TRPS1: variants seen among roughly 807,000 people sequenced by gnomAD.
TRPS1 encodes transcriptional repressor GATA binding 1.
TRPS1 carries 6 observed loss-of-function variants against 101.2 expected under a neutral mutation model. The ratio of observed to expected loss-of-function variants is 0.06; its 90% CI spans 0.03 to 0.12. The LOEUF (loss-of-function observed/expected upper bound fraction) is 0.12. TRPS1 is among the 10% of genes least tolerant of loss of function. The pLI is 1.00. For missense variants in TRPS1, 1,363 were observed against 1,567.0 expected (o/e 0.87, Z 2.20); for synonymous variants, 578 against 589.8 (o/e 0.98, Z 0.29).
At chr8:115,415,165 A>C in intron 6 of TRPS1, 81 bp from the exon 7 acceptor site, 1 of 1,402,780 alleles carries the variant, frequency 7.1e-7, no homozygotes, top group Non-Finnish European at 9.6e-7. Context: ...CACAAATATA[A>C]ACCATGCTTA....
chr8:115,597,513 G>A (rs371372138), intron 4 of TRPS1, among the ~76,000 whole-genome samples: 2 of 152,100 alleles, frequency 1.3e-5, no homozygotes, highest in Middle Eastern at 3.4e-3. Context: ...TGCTCTATAT[G>A]TGCTTCAAAA....
chr8:115,587,604 C>T lies in TRPS1; in HGVS notation c.2097G>A (p.Arg699=). 3 of 1,613,994 alleles carry T rather than the reference C, an allele frequency of 1.9e-6. No individual in the cohort carries two copies. Among genetic ancestry groups the T allele is most frequent in the Non-Finnish European group, 2.5e-6 (3 of 1,180,008 alleles). Residue 699 remains arginine (R), a splice_region_variant and synonymous_variant, in exon 5 of 7, where the codon AGG becomes AGA. Coordinates refer to ENST00000395715, the MANE Select transcript of TRPS1 (RefSeq NM_014112.5). The stretch of plus-strand genomic sequence containing the variant: ...GGCATTTGTAGCAGCTGTGTGCTCT[C>T]CTGGAGAAGAAGAAAACAGTTACTG... The part of the protein sequence containing the change: ...QVEEEISRHY[R]RAHSCYKCRQ...
intron 5 of TRPS1, among the ~76,000 whole-genome samples, chr8:115,541,766 C>T (rs1316701832): frequency 6.6e-6 from 1 of 152,160 alleles, no homozygotes; most frequent in East Asian, 1.9e-4. Flanking sequence ...GACCACATTC[C>T]ACTTTAAGAT....
intron 5 of TRPS1, among the ~76,000 whole-genome samples, chr8:115,450,409 A>T (rs1289255171): frequency 6.6e-6 from 1 of 152,214 alleles, no homozygotes; most frequent in Non-Finnish European, 1.5e-5. Context: ...CACGCTATTT[A>T]ACTTTCAAAT....
chr8:115,642,375 T>C (rs1345754061), intron 1 of TRPS1, among the ~76,000 whole-genome samples: 1 of 151,858 alleles, frequency 6.6e-6, no homozygotes, highest in Non-Finnish European at 1.5e-5. Context: ...AAAAAAATAA[T>C]ACAGAACTGT....
At chr8:115,573,129 GA>G (rs879374631) in intron 5 of TRPS1, among the ~76,000 whole-genome samples, 126 of 137,304 alleles carry the variant, frequency 9.2e-4, no homozygotes, top group South Asian at 1.2e-3. Flanking sequence ...CATCTCAAAA[GA>G]AAAAAAAAAA....
At chr8:115,513,332 A>G (rs1815629620) in intron 5 of TRPS1, among the ~76,000 whole-genome samples, 1 of 151,578 alleles carries the variant, frequency 6.6e-6, no homozygotes, top group Non-Finnish European at 1.5e-5. Context: ...TTTGGGTACC[A>G]TTTTTATTTT....
intron 5 of TRPS1, among the ~76,000 whole-genome samples, chr8:115,488,231 T>C (rs1014639888): frequency 2.0e-5 from 3 of 152,226 alleles, no homozygotes; most frequent in Non-Finnish European, 2.9e-5. Context: ...TCTTAAGACA[T>C]AATGCTATTG....
intron 3 of TRPS1, among the ~76,000 whole-genome samples, chr8:115,605,418 A>G (rs1255267749): frequency 6.6e-6 from 1 of 152,230 alleles, no homozygotes; most frequent in Non-Finnish European, 1.5e-5. Flanking sequence ...AACTAGAGGC[A>G]CTTGCTCAAA....
intron 1 of TRPS1, among the ~76,000 whole-genome samples, chr8:115,652,021 G>C (rs1811571191): frequency 6.6e-6 from 1 of 152,136 alleles, no homozygotes; most frequent in South Asian, 2.1e-4. Context: ...AGAGGTGAAG[G>C]CTCAGAAGTT....
At chr8:115,626,413 G>A (rs928835266) in intron 1 of TRPS1, among the ~76,000 whole-genome samples, 2 of 151,752 alleles carry the variant, frequency 1.3e-5, no homozygotes, top group African/African-American at 4.8e-5. Flanking sequence ...ATCACTGAAG[G>A]AGTTTAGATG....
chr8:115,445,989 A>T (rs1295297145), intron 5 of TRPS1, among the ~76,000 whole-genome samples: 2 of 152,122 alleles, frequency 1.3e-5, no homozygotes, highest in Non-Finnish European at 2.9e-5. Context: ...TCTTTCCTGT[A>T]TAACTCTTTT....
intron 5 of TRPS1, among the ~76,000 whole-genome samples, chr8:115,511,750 A>G (rs1236824736): frequency 6.6e-6 from 1 of 151,918 alleles, no homozygotes; most frequent in Non-Finnish European, 1.5e-5. Context: ...TCTAGGGTGA[A>G]TCGCTTGCAA....
intron 5 of TRPS1, among the ~76,000 whole-genome samples, chr8:115,559,996 C>T (rs1469190429): frequency 6.6e-6 from 1 of 151,980 alleles, no homozygotes; most frequent in African/African-American, 2.4e-5. Context: ...ACTAGGTTCC[C>T]AAAGCACAAG....
chr8:115,572,033 T>C (rs899867758), intron 5 of TRPS1, among the ~76,000 whole-genome samples: 2 of 152,136 alleles, frequency 1.3e-5, no homozygotes, highest in African/African-American at 4.8e-5. Flanking sequence ...TAAATTTTTA[T>C]TTTAGACTTT....
chr8:115,493,935 C>T (rs1435374320), intron 5 of TRPS1, among the ~76,000 whole-genome samples: 1 of 152,090 alleles, frequency 6.6e-6, no homozygotes, highest in African/African-American at 2.4e-5. Context: ...ATAAAGGAAA[C>T]TCTAAATTCC....
chr8:115,634,245 T>C (rs376223813), intron 1 of TRPS1, among the ~76,000 whole-genome samples: 1 of 152,210 alleles, frequency 6.6e-6, no homozygotes, highest in Non-Finnish European at 1.5e-5. Flanking sequence ...TACAGTCACC[T>C]AAACAAGCTT....
rs138394609 is a variant in TRPS1 at position 115,526,127 on chromosome 8, G to A, written c.2700+60874C>T. The stretch of plus-strand genomic sequence containing the variant: ...GTCTCGAGAGCAGCCTGGCCAACAC[G>A]GTGAAACCCCATTTCTACTAAAAAT... On this transcript the variant is annotated intron_variant, in intron 5 of 6. Transcript: ENST00000395715. 3.1e-3 allele frequency among the ~76,000 whole-genome samples: 470 copies of A among 152,168 alleles called. 14 individuals carry two copies. Among genetic ancestry groups the A allele is most frequent in the Admixed American group, 0.027 (413 of 15,286 alleles).
chr8:115,472,474 G>T (rs1814497346), intron 5 of TRPS1, among the ~76,000 whole-genome samples: 1 of 152,184 alleles, frequency 6.6e-6, no homozygotes, highest in African/African-American at 2.4e-5. Context: ...GTGATGGAGG[G>T]GCTGCTGTGA....
Sources: allele counts gnomAD v4.1 joint callset (sites outside exome capture counted in the v4.1 genomes callset), GRCh38; gene constraint gnomAD v4.1.1; transcripts MANE v1.5; gene names NCBI Gene and HGNC (gene_info 2026-07-23, HGNC 2026-07-21).